CAPS2: variants seen among roughly 807,000 people sequenced by gnomAD.
The protein encoded by CAPS2 is calcyphosin-2.
CAPS2 carries 98 observed loss-of-function variants against 86.5 expected under a neutral mutation model. The observed-to-expected ratio is 1.13, with a 90% CI of 0.96 to 1.34. The LOEUF (loss-of-function observed/expected upper bound fraction) is 1.34. Ranked by LOEUF, CAPS2 falls within the 40% of genes most tolerant of loss-of-function variation. The pLI is 0.00. For missense variants in CAPS2, 729 were observed against 686.8 expected, an observed-to-expected ratio of 1.06 and a Z score of -0.69; for synonymous variants, 210 against 225.1, an observed-to-expected ratio of 0.93 and a Z score of 0.60.
intron 1 of CAPS2, among the ~76,000 whole-genome samples, chr12:75,364,381 G>C (rs1016416572): frequency 1.3e-5 from 2 of 152,226 alleles, no homozygotes; most frequent in African/African-American, 4.8e-5. Context: ...CCATAGGCAA[G>C]ATCAATGGCC....
chr12:75,278,260 AGATTT>A, exon 17 of CAPS2: 1 of 982,296 alleles, frequency 1.0e-6, no homozygotes, highest in Non-Finnish European at 1.2e-6. Flanking sequence ...TTTAGAAGAC[AGATTT>A]AAAAGACAAG....
chr12:75,284,915 C>A, intron 15 of CAPS2, 46 bp downstream of exon 15: 1 of 1,503,472 alleles, frequency 6.7e-7, no homozygotes. Context: ...CTGAACCTAA[C>A]AATCTATTAA....
chr12:75,378,502 C>G (rs188745661), intron 1 of CAPS2, among the ~76,000 whole-genome samples: 3 of 152,050 alleles, frequency 2.0e-5, no homozygotes, highest in African/African-American at 7.2e-5. Context: ...TGTGGGCTAA[C>G]AAGTGGAAAT....
chr12:75,377,596 C>A (rs1368159649), intron 1 of CAPS2, among the ~76,000 whole-genome samples: 1 of 152,128 alleles, frequency 6.6e-6, no homozygotes, highest in African/African-American at 2.4e-5. Flanking sequence ...GCACCCAGCA[C>A]AGGAGAAAGA....
upstream of CAPS2, among the ~76,000 whole-genome samples, chr12:75,331,680 C>A (rs1230393210): frequency 6.6e-6 from 1 of 150,968 alleles, no homozygotes; most frequent in Non-Finnish European, 1.5e-5. Context: ...TCTCCTGCCT[C>A]AGCCTCCCAA....
At chr12:75,302,542 G>A (rs2037943410) in intron 8 of CAPS2, among the ~76,000 whole-genome samples, 1 of 152,062 alleles carries the variant, frequency 6.6e-6, no homozygotes, top group African/African-American at 2.4e-5. Context: ...AGGAAAACTG[G>A]CCTATGTTAA....
In CAPS2 at chr12:75,322,908, A is replaced by G. The variant is rs1478397280; in HGVS notation, c.291+66T>C. 4.4e-6 allele frequency: 4 copies of G among 907,600 alleles called. No individual in the cohort carries two copies. In the Admixed American group the frequency reaches 6.7e-5, roughly 15 times the overall value. 56.2% of individuals were successfully genotyped at this position (907,600 alleles called of 1,614,324 possible). On this transcript the variant is annotated intron_variant, in intron 4 of 16. Transcript: ENST00000393284. ...ATAAAATATTTAAACTTGGCAAAAC[A>G]TAGACTGAACATAATAAATATTTTA...
intron 1 of CAPS2, among the ~76,000 whole-genome samples, chr12:75,375,962 A>G (rs1314627381): frequency 1.3e-5 from 2 of 152,212 alleles, no homozygotes; most frequent in African/African-American, 2.4e-5. Flanking sequence ...TCAAGGATGC[A>G]GGTACTCCCC....
At chr12:75,310,333 A>G (rs1041550204) in intron 7 of CAPS2, among the ~76,000 whole-genome samples, 3 of 152,232 alleles carry the variant, frequency 2.0e-5, no homozygotes, top group Non-Finnish European at 4.4e-5. Context: ...TGGTAAGGCC[A>G]AAGTAGGCCT....
intron 8 of CAPS2, among the ~76,000 whole-genome samples, chr12:75,302,416 T>C (rs1565842517): frequency 2.0e-5 from 3 of 152,190 alleles, no homozygotes; most frequent in Non-Finnish European, 4.4e-5. Context: ...TAACCATGCA[T>C]ATAACAACTT....
At chr12:75,341,790 C>T (rs184401451) in intron 1 of CAPS2, among the ~76,000 whole-genome samples, 1 of 141,364 alleles carries the variant, frequency 7.1e-6, no homozygotes, top group Admixed American at 7.2e-5. Context: ...GTCTCTGTCA[C>T]CCAGACTGGA....
chr12:75,368,696 G>A (rs936721484), intron 1 of CAPS2, among the ~76,000 whole-genome samples: 2 of 151,738 alleles, frequency 1.3e-5, no homozygotes, highest in African/African-American at 2.4e-5. Context: ...GTTTGTATTA[G>A]ACTCATTTTA....
intron 1 of CAPS2, among the ~76,000 whole-genome samples, chr12:75,387,010 T>C (rs1352393413): frequency 6.6e-6 from 1 of 152,142 alleles, no homozygotes; most frequent in Non-Finnish European, 1.5e-5. Context: ...GCAATAACCT[T>C]TTAGATACAA....
At chr12:75,381,849 G>A (rs1470945177) in intron 1 of CAPS2, among the ~76,000 whole-genome samples, 7 of 151,940 alleles carry the variant, frequency 4.6e-5, no homozygotes, top group Non-Finnish European at 1.0e-4. Flanking sequence ...TCCTGACCTC[G>A]TGATCTGCCC....
chr12:75,302,620 T>C (rs1003929522), intron 8 of CAPS2, among the ~76,000 whole-genome samples: 6 of 151,970 alleles, frequency 3.9e-5, no homozygotes, highest in Non-Finnish European at 8.8e-5. Context: ...AACTACAGAG[T>C]AGGAAAAGAT....
intron 1 of CAPS2, among the ~76,000 whole-genome samples, chr12:75,325,682 A>G (rs1196482323): frequency 2.0e-5 from 3 of 152,026 alleles, no homozygotes; most frequent in African/African-American, 7.2e-5. Context: ...GAGTTCTGAA[A>G]GATGAGGAGG....
intron 1 of CAPS2, among the ~76,000 whole-genome samples, chr12:75,359,035 T>C (rs575164278): frequency 1.3e-5 from 2 of 150,300 alleles, no homozygotes; most frequent in African/African-American, 4.8e-5. Flanking sequence ...GGCCACACTG[T>C]GCTGATTGCT....
chr12:75,287,665 T>C (rs778080969), intron 14 of CAPS2, among the ~76,000 whole-genome samples: 4 of 152,214 alleles, frequency 2.6e-5, no homozygotes, highest in Non-Finnish European at 5.9e-5. Flanking sequence ...ATGAAAGCTC[T>C]GCACTCTTTT....
chr12:75,386,813 T>C (rs2045317178), intron 1 of CAPS2, among the ~76,000 whole-genome samples: 1 of 152,088 alleles, frequency 6.6e-6, no homozygotes, highest in Admixed American at 6.6e-5. Flanking sequence ...TGGAGAAATG[T>C]AGTCTTTTCA....
Sources: allele counts gnomAD v4.1 joint callset (sites outside exome capture counted in the v4.1 genomes callset), GRCh38; gene constraint gnomAD v4.1.1; transcripts MANE v1.5; gene names NCBI Gene and HGNC (gene_info 2026-07-23, HGNC 2026-07-21).